The following LYPLAL1 variants were observed in gnomAD, a reference collection of about 807,000 sequenced individuals.
LYPLAL1 encodes lysophospholipase-like protein 1.
In LYPLAL1, 23 loss-of-function variants were observed where a neutral mutation model predicts 19.7. That is an observed-to-expected ratio of 1.17 (90% CI 0.84 to 1.65). The LOEUF is 1.65. Among genes scored for constraint, LYPLAL1 ranks in the 40% most tolerant of loss-of-function variants. LYPLAL1 has a pLI of 0.00. For missense variants in LYPLAL1, 355 were observed against 279.4 expected, an observed-to-expected ratio of 1.27 and a Z score of -1.93; for synonymous variants, 119 against 96.3, an observed-to-expected ratio of 1.24 and a Z score of -1.38.
the LYPLAL1 span, among the ~76,000 whole-genome samples, chr1:219,237,431 CA>C: frequency 2.0e-5 from 3 of 152,090 alleles, no homozygotes; most frequent in Admixed American, 6.6e-5. Context: ...CAACAGTTAC[CA>C]AAGATTTTGT....
chr1:219,231,423 TCAA>T, the LYPLAL1 span, among the ~76,000 whole-genome samples: 1 of 152,190 alleles, frequency 6.6e-6, no homozygotes. Flanking sequence ...GTATTTTCTA[TCAA>T]CAAGAGTTTA....
intron 2 of LYPLAL1, among the ~76,000 whole-genome samples, chr1:219,187,481 A>G (rs777874425): frequency 1.1e-4 from 17 of 151,622 alleles, no homozygotes; most frequent in Non-Finnish European, 1.9e-4. Flanking sequence ...TGCTTTAGCT[A>G]TATTTACAAT....
the LYPLAL1 span, among the ~76,000 whole-genome samples, chr1:219,248,314 T>C: frequency 1.3e-5 from 2 of 152,162 alleles, no homozygotes; most frequent in Non-Finnish European, 2.9e-5. Flanking sequence ...TTTACAGACT[T>C]ATGCAAGAGG....
the LYPLAL1 span, among the ~76,000 whole-genome samples, chr1:219,255,475 A>T: frequency 6.6e-6 from 1 of 151,962 alleles, no homozygotes; most frequent in Non-Finnish European, 1.5e-5. Flanking sequence ...TGCTAAATTC[A>T]CTTATTAATT....
the LYPLAL1 span, among the ~76,000 whole-genome samples, chr1:219,315,575 C>A: frequency 6.6e-6 from 1 of 152,124 alleles, no homozygotes; most frequent in African/African-American, 2.4e-5. Flanking sequence ...AAAAAAAGTT[C>A]TTGGTAAAAT....
At chr1:219,391,827 G>T in the LYPLAL1 span, among the ~76,000 whole-genome samples, 1 of 152,138 alleles carries the variant, frequency 6.6e-6, no homozygotes, top group Non-Finnish European at 1.5e-5. Flanking sequence ...ATTTTGGGAA[G>T]TTTAAGATCT....
the LYPLAL1 span, among the ~76,000 whole-genome samples, chr1:219,351,453 A>G: frequency 2.6e-5 from 4 of 152,128 alleles, no homozygotes; most frequent in Non-Finnish European, 5.9e-5. Flanking sequence ...ACCCACTCTC[A>G]TGAGGATCAT....
chr1:219,419,594 C>CAGAGAGAGAGAGAGAGAG, the LYPLAL1 span, among the ~76,000 whole-genome samples: 10 of 99,526 alleles, frequency 1.0e-4, no homozygotes, highest in African/African-American at 4.0e-4. Flanking sequence ...CACACACACA[C>CAGAGAGAGAGAGAGAGAG]AGAGAGAGAG....
chr1:219,418,014 T>A, the LYPLAL1 span, among the ~76,000 whole-genome samples: 1 of 152,252 alleles, frequency 6.6e-6, no homozygotes, highest in Non-Finnish European at 1.5e-5. Flanking sequence ...ATAGGTTTAA[T>A]TAAGTAATTG....
chr1:219,317,265 G>A, the LYPLAL1 span, among the ~76,000 whole-genome samples: 2 of 152,074 alleles, frequency 1.3e-5, no homozygotes, highest in Non-Finnish European at 1.5e-5. Context: ...TGTCAGCAAG[G>A]ACTTTCCTGT....
At chr1:219,435,345 T>C in the LYPLAL1 span, 2 of 152,208 alleles carry the variant, frequency 1.3e-5, no homozygotes, top group Admixed American at 6.5e-5. Flanking sequence ...GCTGAAACTT[T>C]CTACTTCAGT....
chr1:219,307,135 G>T, the LYPLAL1 span, among the ~76,000 whole-genome samples: 1 of 151,530 alleles, frequency 6.6e-6, no homozygotes, highest in Non-Finnish European at 1.5e-5. Context: ...ATTCCAAATA[G>T]CTCTTGAGCA....
the LYPLAL1 span, among the ~76,000 whole-genome samples, chr1:219,263,813 G>T: frequency 2.0e-5 from 3 of 152,124 alleles, no homozygotes; most frequent in Non-Finnish European, 4.4e-5. Context: ...TTCAGATTCC[G>T]CAGTGGGATG....
At chr1:219,249,356 A>T in the LYPLAL1 span, among the ~76,000 whole-genome samples, 1 of 152,074 alleles carries the variant, frequency 6.6e-6, no homozygotes, top group African/African-American at 2.4e-5. Flanking sequence ...ATGTTTAAAG[A>T]TTCATTCATA....
chr1:219,245,889 G>C, the LYPLAL1 span, among the ~76,000 whole-genome samples: 1 of 152,064 alleles, frequency 6.6e-6, no homozygotes, highest in Non-Finnish European at 1.5e-5. Context: ...ACTGCACACT[G>C]TGGACTCGAG....
the LYPLAL1 span, among the ~76,000 whole-genome samples, chr1:219,307,180 C>T: frequency 6.6e-6 from 1 of 152,140 alleles, no homozygotes; most frequent in Non-Finnish European, 1.5e-5. Context: ...TAGCTGGTCA[C>T]AAATTCATTT....
At chr1:219,229,005 C>A in the LYPLAL1 span, among the ~76,000 whole-genome samples, 2 of 151,972 alleles carry the variant, frequency 1.3e-5, no homozygotes. Context: ...TATTGTAACT[C>A]TTTTAATCTT....
the LYPLAL1 span, among the ~76,000 whole-genome samples, chr1:219,393,499 C>G: frequency 6.6e-6 from 1 of 152,126 alleles, no homozygotes; most frequent in Non-Finnish European, 1.5e-5. Context: ...GGGGAGGATA[C>G]CTGTGTCCAG....
the LYPLAL1 span, among the ~76,000 whole-genome samples, chr1:219,439,994 C>CATAT: frequency 4.7e-3 from 547 of 117,610 alleles, 12 homozygotes; most frequent in African/African-American, 0.019. Flanking sequence ...TATATATACA[C>CATAT]ACATATATAT....
Sources: allele counts gnomAD v4.1 joint callset (sites outside exome capture counted in the v4.1 genomes callset), GRCh38; gene constraint gnomAD v4.1.1; transcripts MANE v1.5; gene names NCBI Gene and HGNC (gene_info 2026-07-23, HGNC 2026-07-21).